TECPR2: variants seen among roughly 807,000 people sequenced by gnomAD.
The protein encoded by TECPR2 is tectonin beta-propeller repeat-containing protein 2.
Under a neutral mutation model 138.1 loss-of-function variants are expected in TECPR2, and 65 were observed. That is an observed-to-expected ratio of 0.47 (90% confidence interval 0.39 to 0.58). The LOEUF (loss-of-function observed/expected upper bound fraction) is 0.58, where lower values mean the gene tolerates loss of function less well. Ranked by LOEUF, TECPR2 falls within the 20% of genes least tolerant of loss-of-function variation. TECPR2 has a pLI of 0.00. For missense variants in TECPR2, 1,553 were observed against 1,824.5 expected, an observed-to-expected ratio of 0.85 and a Z score of 2.71; for synonymous variants, 746 against 749.8, an observed-to-expected ratio of 0.99 and a Z score of 0.08.
In TECPR2 at chr14:102,452,583, G is replaced by A. The variant is rs1400309261; in HGVS notation, c.3596G>A (p.Cys1199Tyr). 8.7e-6 allele frequency: 14 copies of A among 1,607,388 alleles called. No homozygotes were observed. Among genetic ancestry groups the A allele is most frequent in the Non-Finnish European group, 1.2e-5 (14 of 1,177,694 alleles). ...TTCATCAGGACGCTCTCCAAGAGCT[G>A]CCCCACGGGCATGCACTGGACCAGG... ...QVFIRTLSKSCPTGMHWTRLD... is the reference protein window; with the variant it reads ...QVFIRTLSKSYPTGMHWTRLD... The change falls in exon 16 of 20, where the codon TGC becomes TAC. Residue 1199 changes from cysteine (C) to tyrosine (Y), a missense_variant. By Grantham distance (194) the Cys-to-Tyr change is radical (BLOSUM62 -2). Coordinates refer to ENST00000359520, the MANE Select transcript of TECPR2 (RefSeq NM_014844.5).
chr14:102,431,998 C>T lies in TECPR2; in HGVS notation c.1287C>T (p.Ala429=). The T allele has an allele frequency of 6.2e-7, 1 of 1,612,900 alleles. No homozygotes were observed. The highest frequency in any genetic ancestry group is 2.2e-5 in the East Asian group (1 of 44,880). ...GSGLLPPGLQ[A]TPELGKGSQP... is the part of the protein sequence containing the mutation. ...GGCTCCTGCCCCCTGGGCTCCAGGC[C>T]ACCCCTGAGCTGGGCAAGGGCAGCC... Residue 429 remains alanine (A), a synonymous_variant, in exon 8 of 20, where the codon GCC becomes GCT. Coordinates refer to ENST00000359520, the MANE Select transcript of TECPR2 (RefSeq NM_014844.5).
chr14:102,430,477 A>G (rs1889440586), intron 7 of TECPR2, among the ~76,000 whole-genome samples: 2 of 152,122 alleles, frequency 1.3e-5, no homozygotes, highest in African/African-American at 4.8e-5. Context: ...CCTCAATAGA[A>G]TGTGGGTGCT....
chr14:102,499,209 A>C lies in TECPR2; in HGVS notation c.*952A>C, dbSNP rs1488826693. On this transcript the variant is annotated 3_prime_UTR_variant, in exon 20 of 20. Transcript: ENST00000359520. The stretch of plus-strand genomic sequence containing the variant: ...GGGTGCATGGGGCGTGGGGGAGCTG[A>C]GCAAGGGTCGCTCACTTAGAAATGT... 5 of 696,608 alleles carry C rather than the reference A, an allele frequency of 7.2e-6. No individual in the cohort carries two copies. In the East Asian group the frequency reaches 1.3e-4, roughly 19 times the overall value. The allele number at this position is 696,608 out of a possible 1,614,324, so 43.2% of individuals were successfully genotyped here. A position where few individuals can be genotyped will look rare whatever the true frequency, so the allele number is the denominator to read the frequency against.
intron 9 of TECPR2, among the ~76,000 whole-genome samples, chr14:102,437,392 C>CA: frequency 6.6e-6 from 1 of 152,148 alleles, no homozygotes; most frequent in Middle Eastern, 3.4e-3. Flanking sequence ...ACTAAAAATA[C>CA]AAAAAATAGC....
intron 17 of TECPR2, among the ~76,000 whole-genome samples, chr14:102,466,433 G>A (rs1011716386): frequency 3.9e-5 from 6 of 152,128 alleles, no homozygotes; most frequent in Admixed American, 1.3e-4. Flanking sequence ...ACACGGTGAC[G>A]TACTCATAGT....
intron 14 of TECPR2, 59 bp from the exon 15 acceptor site, chr14:102,450,501 G>T: frequency 2.6e-6 from 4 of 1,547,318 alleles, no homozygotes; most frequent in Non-Finnish European, 3.6e-6. Context: ...ACTAAGATCT[G>T]AAGTGGTTTT....
intron 2 of TECPR2, among the ~76,000 whole-genome samples, chr14:102,393,806 C>T (rs368281661): frequency 2.6e-5 from 4 of 152,100 alleles, no homozygotes; most frequent in East Asian, 1.9e-4. Context: ...ATGATCCACC[C>T]GCCTCGGCCT....
chr14:102,381,861 A>G (rs1472048585), intron 2 of TECPR2, among the ~76,000 whole-genome samples: 1 of 152,262 alleles, frequency 6.6e-6, no homozygotes, highest in Non-Finnish European at 1.5e-5. Flanking sequence ...AACAAAAATT[A>G]TAACTGATCA....
chr14:102,482,508 T>C (rs974492813), intron 17 of TECPR2, among the ~76,000 whole-genome samples: 3 of 152,186 alleles, frequency 2.0e-5, no homozygotes, highest in Non-Finnish European at 4.4e-5. Context: ...GCCTCGTTCC[T>C]CTCTCTACCC....
chr14:102,441,502 C>T (rs1310121893), intron 11 of TECPR2, among the ~76,000 whole-genome samples: 1 of 149,598 alleles, frequency 6.7e-6, no homozygotes, highest in Non-Finnish European at 1.5e-5. Flanking sequence ...CATGGTGAAA[C>T]TCTGTCTCTA....
chr14:102,463,175 C>T (rs1300329098), intron 16 of TECPR2, among the ~76,000 whole-genome samples: 1 of 152,120 alleles, frequency 6.6e-6, no homozygotes, highest in Admixed American at 6.5e-5. Context: ...AATCCCAGCA[C>T]TTTGGGAGGC....
At chr14:102,450,755 G>A (rs879209119) in intron 15 of TECPR2, 106 bp downstream of exon 15, 34 of 1,124,164 alleles carry the variant, frequency 3.0e-5, no homozygotes, top group South Asian at 7.9e-5. Flanking sequence ...GGCATGCCTC[G>A]GAGACTGACC....
intron 16 of TECPR2, among the ~76,000 whole-genome samples, chr14:102,458,271 C>T (rs940954923): frequency 1.3e-4 from 20 of 152,290 alleles, no homozygotes; most frequent in Admixed American, 1.2e-3. Context: ...TGCTTCTGGA[C>T]CTCTGCTTCC....
rs192408213 is a variant in TECPR2, at chr14:102,452,677, C to T, written c.3640+50C>T. 402 of 1,454,260 alleles carry T rather than the reference C, an allele frequency of 2.8e-4. 2 individuals carry two copies. The Middle Eastern group carries it at 5.7e-3, about 21-fold the overall frequency. 90.1% of individuals were successfully genotyped at this position (1,454,260 alleles called of 1,614,324 possible). A position where few individuals can be genotyped will look rare whatever the true frequency, so the allele number is the denominator to read the frequency against. The stretch of plus-strand genomic sequence containing the variant: ...TGCCGGTGCCCTGACTGCCCTAAAC[C>T]GGCATCACAACGTGATGTCGGACAA... On this transcript the variant is annotated intron_variant, in intron 16 of 19. Transcript: ENST00000359520.
At chr14:102,373,404 A>G (rs990331001) in intron 1 of TECPR2, among the ~76,000 whole-genome samples, 1 of 152,240 alleles carries the variant, frequency 6.6e-6, no homozygotes, top group Non-Finnish European at 1.5e-5. Context: ...AATAAATTAC[A>G]TGAGATATGC....
intron 2 of TECPR2, among the ~76,000 whole-genome samples, chr14:102,402,339 T>G (rs957788635): frequency 6.6e-6 from 1 of 152,106 alleles, no homozygotes; most frequent in African/African-American, 2.4e-5. Flanking sequence ...TTAAAAATAC[T>G]TAAAGATGAT....
intron 9 of TECPR2, chr14:102,437,155 A>G (rs950238574): frequency 4.1e-6 from 4 of 985,314 alleles, no homozygotes; most frequent in Non-Finnish European, 4.8e-6. Flanking sequence ...TGAAGTAGTT[A>G]ACTTCTATGT....
intron 11 of TECPR2, among the ~76,000 whole-genome samples, chr14:102,441,773 A>G (rs890012323): frequency 6.6e-6 from 1 of 152,172 alleles, no homozygotes; most frequent in Non-Finnish European, 1.5e-5. Flanking sequence ...GGAAGGGCAC[A>G]GTGGGACTTG....
chr14:102,451,102 C>A (rs564166857), intron 15 of TECPR2, among the ~76,000 whole-genome samples: 1 of 152,202 alleles, frequency 6.6e-6, no homozygotes, highest in East Asian at 1.9e-4. Flanking sequence ...TGCCCTGCAG[C>A]GGGGTGCTCC....
Sources: allele counts gnomAD v4.1 joint callset (sites outside exome capture counted in the v4.1 genomes callset), GRCh38; gene constraint gnomAD v4.1.1; transcripts MANE v1.5; gene names NCBI Gene and HGNC (gene_info 2026-07-23, HGNC 2026-07-21).